The following MYT1L variants were observed in gnomAD, a reference collection of about 807,000 sequenced individuals.
MYT1L encodes the protein myelin transcription factor 1-like protein.
In MYT1L, 12 loss-of-function variants were observed where a neutral mutation model predicts 126.7. That is an observed-to-expected ratio of 0.09 (90% CI 0.06 to 0.15). The LOEUF is 0.15. MYT1L is among the 10% of genes least tolerant of loss of function. The pLI is 1.00. For missense variants in MYT1L, 979 were observed against 1,585.2 expected, an observed-to-expected ratio of 0.62 and a Z score of 6.49; for synonymous variants, 541 against 604.2, an observed-to-expected ratio of 0.90 and a Z score of 1.53.
chr2:2,281,994 GCTTT>G (rs1212955511), intron 2 of MYT1L, among the ~76,000 whole-genome samples: 1 of 152,178 alleles, frequency 6.6e-6, no homozygotes, highest in Admixed American at 6.5e-5. Context: ...CACAATCCTA[GCTTT>G]CTTTAATGGT....
intron 2 of MYT1L, among the ~76,000 whole-genome samples, chr2:2,206,890 A>C (rs1453662397): frequency 6.6e-6 from 1 of 152,190 alleles, no homozygotes. Flanking sequence ...CACGGTACTG[A>C]AGGGCTATCT....
At chr2:1,828,301 C>T (rs984590304) in intron 21 of MYT1L, 3 of 152,112 alleles carry the variant, frequency 2.0e-5, no homozygotes, top group Middle Eastern at 3.4e-3. Flanking sequence ...TCCCAGCTTC[C>T]CTAATGGTAG....
chr2:2,121,953 C>T (rs2081074237), intron 3 of MYT1L, among the ~76,000 whole-genome samples: 1 of 152,186 alleles, frequency 6.6e-6, no homozygotes. Flanking sequence ...TTGGCTGATG[C>T]CGGCCCCGAT....
At chr2:1,908,905 T>C (rs2051490534) in intron 13 of MYT1L, among the ~76,000 whole-genome samples, 1 of 152,202 alleles carries the variant, frequency 6.6e-6, no homozygotes, top group Admixed American at 6.5e-5. Context: ...CTCTTGATAG[T>C]AGGGTCATAG....
chr2:2,039,302 C>T (rs879871404), intron 4 of MYT1L, among the ~76,000 whole-genome samples: 23 of 152,006 alleles, frequency 1.5e-4, no homozygotes, highest in African/African-American at 2.7e-4. Flanking sequence ...ACTCAGGAGG[C>T]CCTGGTGGGA....
At chr2:2,294,953 G>A (rs1295540568) in intron 1 of MYT1L, among the ~76,000 whole-genome samples, 1 of 152,090 alleles carries the variant, frequency 6.6e-6, no homozygotes, top group Non-Finnish European at 1.5e-5. Flanking sequence ...TAAAAGTGAT[G>A]TTCTTTTTTT....
At chr2:2,127,567 C>T (rs1207355470) in intron 3 of MYT1L, among the ~76,000 whole-genome samples, 1 of 152,190 alleles carries the variant, frequency 6.6e-6, no homozygotes, top group Non-Finnish European at 1.5e-5. Context: ...TTCCCCTACA[C>T]CCCTCCCGGT....
At chr2:2,281,919 T>G (rs1188183808) in intron 2 of MYT1L, among the ~76,000 whole-genome samples, 2 of 152,220 alleles carry the variant, frequency 1.3e-5, no homozygotes, top group African/African-American at 4.8e-5. Flanking sequence ...AGGCTACTTT[T>G]TAGCGGTAGG....
At chr2:1,966,509 T>C (rs984346590) in intron 8 of MYT1L, among the ~76,000 whole-genome samples, 9 of 152,108 alleles carry the variant, frequency 5.9e-5, no homozygotes, top group Non-Finnish European at 1.3e-4. Context: ...AACAGAACCC[T>C]CCATGCCCTC....
chr2:2,325,503 G>C (rs1355288274), intron 1 of MYT1L: 1 of 152,080 alleles, frequency 6.6e-6, no homozygotes, highest in Non-Finnish European at 1.5e-5. Context: ...AAATAGCTAA[G>C]GGAACATAGA....
intron 2 of MYT1L, among the ~76,000 whole-genome samples, chr2:2,254,901 A>G (rs1287760552): frequency 2.0e-5 from 3 of 152,144 alleles, no homozygotes; most frequent in Non-Finnish European, 4.4e-5. Context: ...CTTTTACTAC[A>G]AGGAAATGAT....
chr2:1,942,802 G>C (rs2056797613), intron 9 of MYT1L, among the ~76,000 whole-genome samples, 180 bp downstream of exon 9: 1 of 152,152 alleles, frequency 6.6e-6, no homozygotes. Context: ...AAGTGTAACA[G>C]AGAATCTGAA....
intron 3 of MYT1L, among the ~76,000 whole-genome samples, chr2:2,093,093 T>C (rs754294759): frequency 1.2e-4 from 18 of 152,290 alleles, no homozygotes; most frequent in Non-Finnish European, 2.4e-4. Flanking sequence ...AATAAAAGCA[T>C]AATAAAAATA....
At chr2:2,212,523 A>C (rs2093557105) in intron 2 of MYT1L, among the ~76,000 whole-genome samples, 1 of 152,224 alleles carries the variant, frequency 6.6e-6, no homozygotes, top group South Asian at 2.1e-4. Context: ...ACATACAAAC[A>C]CATTTTGATT....
chr2:2,005,245 G>GGCGTTCTTTCCTGCAT (rs557545980), intron 4 of MYT1L, among the ~76,000 whole-genome samples: 121,587 of 127,962 alleles, frequency 0.95, 57,757 homozygotes, highest in South Asian at 0.98. Flanking sequence ...CTCTCCTGCA[G>GGCGTTCTTTCCTGCAT]GCGTTCTTTC....
intron 3 of MYT1L, among the ~76,000 whole-genome samples, chr2:2,088,113 G>C (rs934097571): frequency 6.6e-6 from 1 of 152,188 alleles, no homozygotes; most frequent in African/African-American, 2.4e-5. Context: ...CATGAGTGTG[G>C]CTCGTTACAG....
chr2:1,843,747 ACAGAGGCCGAGCTCCTGTAGGCC>A (rs2042144058), intron 19 of MYT1L, among the ~76,000 whole-genome samples: 1 of 152,132 alleles, frequency 6.6e-6, no homozygotes, highest in Admixed American at 6.5e-5. Context: ...TGACTCCACC[ACAGAGGCCGAGCTCCTGTAGGCC>A]CTGCCCCCTG....
intron 2 of MYT1L, among the ~76,000 whole-genome samples, chr2:2,226,733 C>T: frequency 6.6e-6 from 1 of 152,158 alleles, no homozygotes; most frequent in East Asian, 1.9e-4. Context: ...CCCAGAGCAA[C>T]ACTCAGTGTT....
At chr2:2,101,302 G>A (rs751343306) in intron 3 of MYT1L, among the ~76,000 whole-genome samples, 10 of 152,030 alleles carry the variant, frequency 6.6e-5, no homozygotes, top group Non-Finnish European at 1.5e-4. Context: ...TCAGCATCAT[G>A]GACCCAGTCC....
Sources: allele counts gnomAD v4.1 joint callset (sites outside exome capture counted in the v4.1 genomes callset), GRCh38; gene constraint gnomAD v4.1.1; transcripts MANE v1.5; gene names NCBI Gene and HGNC (gene_info 2026-07-23, HGNC 2026-07-21).